L3MBTL3: variants seen among roughly 807,000 people sequenced by gnomAD.
L3MBTL3 encodes lethal(3)malignant brain tumor-like protein 3.
L3MBTL3 carries 27 observed loss-of-function variants against 102.3 expected under a neutral mutation model. That is an observed-to-expected ratio of 0.26 (90% CI 0.19 to 0.36). The LOEUF (loss-of-function observed/expected upper bound fraction) is 0.36. Among genes scored for constraint, L3MBTL3 ranks in the 10% least tolerant of loss-of-function variants. The pLI is 1.00. For missense variants in L3MBTL3, 798 were observed against 955.3 expected, an observed-to-expected ratio of 0.84 and a Z score of 2.17; for synonymous variants, 340 against 320.9, an observed-to-expected ratio of 1.06 and a Z score of -0.64.
At chr6:130,039,016 TTA>T (rs756757140) in intron 2 of L3MBTL3, among the ~76,000 whole-genome samples, 15 of 152,132 alleles carry the variant, frequency 9.9e-5, no homozygotes, top group Admixed American at 1.3e-4. Context: ...TTTTTTCCTA[TTA>T]AGTATTTAAA....
chr6:130,077,362 G>T (rs1479815606), intron 13 of L3MBTL3, among the ~76,000 whole-genome samples: 2 of 152,052 alleles, frequency 1.3e-5, no homozygotes, highest in Admixed American at 6.6e-5. Context: ...AGTGATTGCA[G>T]CATGAACTTG....
rs142935611 is a variant in L3MBTL3 at position 130,067,657 on chromosome 6, G to A, written c.1001-673G>A. ...AAATCTGTAAGCCTTTTCACGAATT[G>A]ATCTCTTATATATGGTAAATTATTA... On this transcript the variant is annotated intron_variant, in intron 11 of 22. Coordinates refer to ENST00000361794, the MANE Select transcript of L3MBTL3 (RefSeq NM_032438.4). 2.2e-3 allele frequency among the ~76,000 whole-genome samples: 333 copies of A among 152,256 alleles called. 2 individuals are homozygous for A. The highest frequency in any genetic ancestry group is 7.8e-3 in the African/African-American group (325 of 41,538).
At chr6:130,055,467 C>CCTCCCTCCCTTT (rs1781407132) in intron 8 of L3MBTL3, among the ~76,000 whole-genome samples, 1 of 94,858 alleles carries the variant, frequency 1.1e-5, no homozygotes, top group African/African-American at 3.0e-5. Context: ...GAACTGTCTT[C>CCTCCCTCCCTTT]CTCCCTCCCT....
Position 130,086,244 on chromosome 6 carries a change from G to T in L3MBTL3, c.1512G>T (p.Arg504=). Residue 504 remains arginine, a synonymous_variant, in exon 16 of 23, where the codon CGG becomes CGT. Transcript: ENST00000361794. Reference sequence around the variant, plus strand: ...CTGTGGCAGACACAGATGATCACCGGGTAAAAGTAAGTGTTCTGTGTGGGG... The same window carrying T: ...CTGTGGCAGACACAGATGATCACCGTGTAAAAGTAAGTGTTCTGTGTGGGG... ...VATVADTDDH[R]VKVHFDGWNN... 1.9e-6 allele frequency: 3 copies of T among 1,602,198 alleles called. No individual in the cohort carries two copies. The highest frequency in any genetic ancestry group is 2.6e-6 in the Non-Finnish European group (3 of 1,171,288).
At chr6:130,126,408 A>T (rs1422180957) in intron 20 of L3MBTL3, among the ~76,000 whole-genome samples, 1 of 152,068 alleles carries the variant, frequency 6.6e-6, no homozygotes, top group East Asian at 1.9e-4. Flanking sequence ...GCCCTAATGG[A>T]AACAGTCTGG....
At position 130,137,347 on chromosome 6, in the gene L3MBTL3, C is replaced by G. The variant is rs566167846; in HGVS notation, c.2200-2263C>G. Among the ~76,000 whole-genome samples the G allele has an allele frequency of 2.6e-5, 4 of 151,986 alleles. No individual in the cohort carries two copies. In the South Asian group the frequency reaches 6.2e-4, roughly 24 times the overall value. ...ATTGTATATGCATTGCAGAAGCTAA[C>G]CGAAAAAAAAGTAAGCCTTGTAATA... On this transcript the variant is annotated intron_variant, in intron 22 of 22. Coordinates refer to ENST00000361794, the MANE Select transcript of L3MBTL3 (RefSeq NM_032438.4).
intron 10 of L3MBTL3, among the ~76,000 whole-genome samples, chr6:130,064,603 C>T (rs934777034): frequency 4.6e-5 from 7 of 152,144 alleles, no homozygotes; most frequent in African/African-American, 1.7e-4. Context: ...AGAGTTGCTT[C>T]AGCCATATGG....
chr6:130,050,975 T>G (rs1291353646), intron 5 of L3MBTL3, among the ~76,000 whole-genome samples: 4 of 152,200 alleles, frequency 2.6e-5, no homozygotes, highest in Non-Finnish European at 5.9e-5. Flanking sequence ...TAGTGACTAG[T>G]GAAATTTTCT....
At chr6:130,105,747 T>C (rs1213184740) in intron 19 of L3MBTL3, among the ~76,000 whole-genome samples, 1 of 152,144 alleles carries the variant, frequency 6.6e-6, no homozygotes, top group Non-Finnish European at 1.5e-5. Context: ...TCAAAATTGG[T>C]TTTAAAAAAT....
intron 19 of L3MBTL3, among the ~76,000 whole-genome samples, chr6:130,111,908 G>T (rs1465216567): frequency 6.6e-6 from 1 of 152,120 alleles, no homozygotes; most frequent in African/African-American, 2.4e-5. Context: ...TCTCAGCATG[G>T]CCTACAAAGC....
At chr6:130,111,504 G>T (rs972983443) in intron 19 of L3MBTL3, among the ~76,000 whole-genome samples, 1 of 152,186 alleles carries the variant, frequency 6.6e-6, no homozygotes, top group African/African-American at 2.4e-5. Context: ...GTGGGCTGTG[G>T]CATCAACCCA....
At chr6:130,058,935 ATAGTAAATGT>A (rs1259297553) in intron 9 of L3MBTL3, among the ~76,000 whole-genome samples, 1 of 152,208 alleles carries the variant, frequency 6.6e-6, no homozygotes, top group Non-Finnish European at 1.5e-5. Context: ...AAAGTGATGA[ATAGTAAATGT>A]TAGTAAATGT....
At chr6:130,080,342 A>G (rs4327721) in intron 14 of L3MBTL3, among the ~76,000 whole-genome samples, 143,211 of 152,202 alleles carry the variant, frequency 0.94, 67,825 homozygotes, top group Middle Eastern at 1. Flanking sequence ...CTTGTATTCT[A>G]CCTTCCTTTG....
chr6:130,061,757 C>T (rs896332915), intron 10 of L3MBTL3, among the ~76,000 whole-genome samples: 26 of 152,000 alleles, frequency 1.7e-4, no homozygotes, highest in African/African-American at 5.3e-4. Flanking sequence ...GAGCGCAAGG[C>T]GTGAGTTGCT....
At chr6:130,104,080 T>TC in intron 18 of L3MBTL3, among the ~76,000 whole-genome samples, 1 of 152,314 alleles carries the variant, frequency 6.6e-6, no homozygotes, top group African/African-American at 2.4e-5. Flanking sequence ...AATCAGTCTC[T>TC]CTCCCACCTT....
At chr6:130,028,435 C>T (rs949179817) in intron 2 of L3MBTL3, among the ~76,000 whole-genome samples, 1 of 152,234 alleles carries the variant, frequency 6.6e-6, no homozygotes, top group Non-Finnish European at 1.5e-5. Context: ...ACTCAGGTGT[C>T]TCCTCTGCAG....
At chr6:130,027,303 AGGCTG>A (rs951043550) in intron 2 of L3MBTL3, among the ~76,000 whole-genome samples, 23 of 152,196 alleles carry the variant, frequency 1.5e-4, no homozygotes, top group African/African-American at 5.3e-4. Flanking sequence ...GACCTTTTAA[AGGCTG>A]GACCATAGCT....
At chr6:130,019,938 CGGCCCGGGTGCGGGCGCGGGCGCG>C (rs1257418266) in intron 1 of L3MBTL3, among the ~76,000 whole-genome samples, 2 of 134,146 alleles carry the variant, frequency 1.5e-5, no homozygotes, top group Admixed American at 7.3e-5. Flanking sequence ...CGCGCCGCGC[CGGCCCGGGTGCGGGCGCGGGCGCG>C]GGCGTGTGTC....
intron 19 of L3MBTL3, among the ~76,000 whole-genome samples, chr6:130,118,796 T>C (rs1785910615): frequency 6.6e-6 from 1 of 152,186 alleles, no homozygotes. Context: ...TAAGACTACA[T>C]AGCTTCCATT....
Sources: allele counts gnomAD v4.1 joint callset (sites outside exome capture counted in the v4.1 genomes callset), GRCh38; gene constraint gnomAD v4.1.1; transcripts MANE v1.5; gene names NCBI Gene and HGNC (gene_info 2026-07-23, HGNC 2026-07-21).